The following KRI1 variants were observed in gnomAD, a reference collection of about 807,000 sequenced individuals.
The protein encoded by KRI1 is protein KRI1 homolog.
KRI1 carries 83 observed loss-of-function variants against 97.0 expected under a neutral mutation model. The observed-to-expected ratio is 0.86, with a 90% CI of 0.72 to 1.03. KRI1 has a LOEUF of 1.03. Among genes scored for constraint, KRI1 ranks in the 50% least tolerant of loss-of-function variants. The pLI is 0.00. For synonymous variants in KRI1, 371 were observed against 363.5 expected (o/e 1.02, Z -0.23); for missense variants, 916 against 928.4 (o/e 0.99, Z 0.17).
chr19:10,564,249 T>C (rs960229608), intron 3 of KRI1, among the ~76,000 whole-genome samples: 1 of 150,458 alleles, frequency 6.6e-6, no homozygotes, highest in South Asian at 2.1e-4. Flanking sequence ...TCACCTGAAG[T>C]TGGGAGTTCG....
intron 3 of KRI1, among the ~76,000 whole-genome samples, chr19:10,563,593 C>T (rs144999729): frequency 0.015 from 2,247 of 151,760 alleles, 49 homozygotes; most frequent in African/African-American, 0.051. Flanking sequence ...GTGATCCTCC[C>T]GCCTCAACCT....
chr19:10,556,924 G>T (rs1042129307), intron 16 of KRI1, among the ~76,000 whole-genome samples: 1 of 151,822 alleles, frequency 6.6e-6, no homozygotes, highest in Admixed American at 6.6e-5. Context: ...GATCAATTGA[G>T]CCCAGGAGGT....
chr19:10,562,895 G>A (rs887258341), intron 3 of KRI1, 58 bp from the exon 4 acceptor site: 6 of 1,090,884 alleles, frequency 5.5e-6, no homozygotes, highest in African/African-American at 1.5e-5. Flanking sequence ...TGCCGTGGCA[G>A]AGAATCCCAC....
Position 10,557,887 on chromosome 19 carries a change from G to A in KRI1, c.1368C>T (p.Ala456=), listed in dbSNP as rs372896560. The A allele has an allele frequency of 6.8e-6, 11 of 1,613,266 alleles. No individual in the cohort carries two copies. Among genetic ancestry groups the A allele is most frequent in the Admixed American group, 5.0e-5 (3 of 59,968 alleles). ...TCCTCGGCTGGCTGGGGTCGTAGTC[G>A]GCGTCCATCTGCCAGGACGCACAGG... ...HCEDPNFNMD[A]DYDPSQPRKK... is the part of the protein sequence containing the mutation. The change falls in exon 15 of 19, where the codon GCC becomes GCT. Residue 456 remains alanine (A), a synonymous_variant. Coordinates refer to ENST00000312962, the MANE Select transcript of KRI1 (RefSeq NM_023008.5).
Position 10,562,777 on chromosome 19 carries a change from G to A in KRI1, c.335C>T (p.Pro112Leu), listed in dbSNP as rs778753431. The change falls in exon 4 of 19, where the codon CCC becomes CTC. Residue 112 changes from proline to leucine, a missense_variant. Pro to Leu is a moderately conservative substitution (Grantham distance 98). Transcript: ENST00000312962. ...EALEKQKKVR[P>L]MYLKDYERKV... ...CCTCTCGTAGTCCTTCAGGTACATGGGCCGCACTTTCTTCTGCTTCTCCAA... is the reference window on the plus strand; with the variant it reads ...CCTCTCGTAGTCCTTCAGGTACATGAGCCGCACTTTCTTCTGCTTCTCCAA... The A allele has an allele frequency of 6.2e-7, 1 of 1,613,140 alleles. No individual in the cohort carries two copies. Among genetic ancestry groups the A allele is most frequent in the Non-Finnish European group, 8.5e-7 (1 of 1,179,160 alleles).
At position 10,555,396 on chromosome 19, in the gene KRI1, G is replaced by A. The variant is rs373622301; in HGVS notation, c.1618-47C>T. 3.0e-4 allele frequency: 475 copies of A among 1,599,494 alleles called. 1 individual carries two copies. The African/African-American group carries it at 5.5e-3, about 19-fold the overall frequency. ...GGACCTGCTGTGATATTGCCCAGGC[G>A]GGGCCTTCCCTGAGCCTAAGTCATG... On this transcript the variant is annotated intron_variant, in intron 16 of 18. Coordinates refer to ENST00000312962, the MANE Select transcript of KRI1 (RefSeq NM_023008.5).
chr19:10,562,893 C>T, intron 3 of KRI1, 56 bp from the exon 4 acceptor site: 1 of 1,094,658 alleles, frequency 9.1e-7, no homozygotes, highest in South Asian at 1.2e-5. Context: ...TTTGCCGTGG[C>T]AGAGAATCCC....
At chr19:10,565,816 C>CCA (rs779949183) in intron 1 of KRI1, 26 bp from the exon 2 acceptor site, 26 of 1,550,288 alleles carry the variant, frequency 1.7e-5, no homozygotes, top group South Asian at 7.1e-5. Context: ...GGGATGCCCC[C>CCA]CCCCAGGTCA....
rs1039586502 is a variant in KRI1 at position 10,558,246 on chromosome 19, G to C, written c.1195-7C>G. ...ACTCGTCCCCAAAGCACTTCTGCAG[G>C]GTCAGGGCTGGCGGTTACCAGAGCC... On this transcript the variant is annotated splice_polypyrimidine_tract_variant and splice_region_variant and intron_variant, in intron 12 of 18. Coordinates refer to ENST00000312962, the MANE Select transcript of KRI1 (RefSeq NM_023008.5). The C allele has an allele frequency of 3.7e-6, 6 of 1,613,934 alleles. No homozygotes were observed. Among genetic ancestry groups the C allele is most frequent in the Non-Finnish European group, 5.1e-6 (6 of 1,179,900 alleles).
rs373283507 is a variant in KRI1 at position 10,559,823 on chromosome 19, G to A, written c.914C>T (p.Pro305Leu). The stretch of plus-strand genomic sequence containing the variant: ...CCAGCCACACACCGATGCTGAGTCC[G>A]GCTCCTCGAAACGGAAATTGTACTT... ...EQKYNFRFEE[P>L]DSASVKTYPR... The change falls in exon 10 of 19, where the codon CCG becomes CTG. Residue 305 changes from proline to leucine, a missense_variant. Coordinates refer to ENST00000312962, the MANE Select transcript of KRI1 (RefSeq NM_023008.5). The A allele has an allele frequency of 3.4e-5, 55 of 1,613,684 alleles. No homozygotes were observed. Among genetic ancestry groups the A allele is most frequent in the Non-Finnish European group, 3.8e-5 (45 of 1,179,998 alleles).
intron 4 of KRI1, 75 bp downstream of exon 4, chr19:10,562,654 T>C: frequency 1.2e-6 from 1 of 860,166 alleles, no homozygotes; most frequent in Admixed American, 2.0e-5. Context: ...CTTTTTTCCC[T>C]CTCCTGCCCC....
Position 10,565,748 on chromosome 19 carries a change from C to T in KRI1, c.137G>A (p.Ser46Asn), listed in dbSNP as rs1475630748. ...YGDRDSSSDS[S>N]SESDSSDERV... is the part of the protein sequence containing the mutation. ...CTCGTCGCTTGAGTCCGACTCGGAG[C>T]TGGAGTCGCTGCTGCTGTCTCGGTC... Residue 46 changes from serine (S) to asparagine (N), a missense_variant, in exon 2 of 19, where the codon AGC becomes AAC. Transcript: ENST00000312962. 6.3e-7 allele frequency: 1 copy of T among 1,580,390 alleles called. No homozygotes were observed. Among genetic ancestry groups the T allele is most frequent in the Non-Finnish European group, 8.6e-7 (1 of 1,164,342 alleles).
At chr19:10,565,515 C>A in intron 2 of KRI1, 1 of 626,982 alleles carries the variant, frequency 1.6e-6, no homozygotes, top group Non-Finnish European at 2.6e-6. Flanking sequence ...GGGATCGTGG[C>A]AGGGGAGAGA....
At chr19:10,564,662 C>T (rs1476182776) in intron 3 of KRI1, among the ~76,000 whole-genome samples, 1 of 152,166 alleles carries the variant, frequency 6.6e-6, no homozygotes, top group Non-Finnish European at 1.5e-5. Flanking sequence ...ATTAACTCCA[C>T]CACCAGGTAA....
chr19:10,561,122 AC>A, intron 7 of KRI1, 42 bp from the exon 8 acceptor site: 2 of 1,611,256 alleles, frequency 1.2e-6, no homozygotes, highest in Non-Finnish European at 1.7e-6. Flanking sequence ...ATGCCCAGCC[AC>A]CCGCCACCCT....
chr19:10,555,157 G>A lies in KRI1; in HGVS notation c.1711C>T (p.Arg571Trp), dbSNP rs757118490. Residue 571 changes from arginine (R) to tryptophan (W), a missense_variant, in exon 18 of 19, where the codon CGG becomes TGG. Physicochemically the swap from Arg to Trp is moderately radical, Grantham distance 101. This residue lies in a region of KRI1 where 672 missense variants were observed against 667.2 expected (regional missense o/e 1.01). Transcript: ENST00000312962. Reference sequence around the variant, plus strand: ...TTCTGGGCCTTCTGGCTGTACGCCCGCTTGTCCCGCAGCTCCTCCTGCTCT... The same window carrying A: ...TTCTGGGCCTTCTGGCTGTACGCCCACTTGTCCCGCAGCTCCTCCTGCTCT... ...RSEQEELRDK[R>W]AYSQKAQNSW... The A allele has an allele frequency of 7.4e-6, 12 of 1,614,058 alleles. No individual in the cohort carries two copies. The East Asian group carries it at 1.3e-4, about 18-fold the overall frequency.
rs1278766813 is a variant in KRI1 at position 10,561,702 on chromosome 19, T to C, written c.453A>G (p.Gln151=). Residue 151 remains glutamine (Q), a synonymous_variant, in exon 6 of 19, where the codon CAA becomes CAG. Coordinates refer to ENST00000312962, the MANE Select transcript of KRI1 (RefSeq NM_023008.5). ...SNHRLQETSS[Q]SYVEEQKQLK... is the part of the protein sequence containing the mutation. Reference sequence around the variant, plus strand: ...GCTGTTTCTGTTCCTCCACATAACTTTGCGACGATGTCTCCTGCAGAGAGG... The same window carrying C: ...GCTGTTTCTGTTCCTCCACATAACTCTGCGACGATGTCTCCTGCAGAGAGG... The C allele has an allele frequency of 1.9e-6, 3 of 1,613,914 alleles. No individual in the cohort carries two copies. The Admixed American group carries it at 5.0e-5, about 27-fold the overall frequency.
Position 10,565,714 on chromosome 19 carries a change from C to T in KRI1, c.168+3G>A, listed in dbSNP as rs1303126951. 6.4e-7 allele frequency: 1 copy of T among 1,564,176 alleles called. No homozygotes were observed. The highest frequency in any genetic ancestry group is 1.9e-5 in the Admixed American group (1 of 53,966). On this transcript the variant is annotated splice_donor_region_variant and intron_variant, in intron 2 of 18. Transcript: ENST00000312962. ...ACGTCCAGGACGGGGCGGGGACGCG[C>T]ACCACGCGCTCGTCGCTTGAGTCCG...
At position 10,565,942 on chromosome 19, in the gene KRI1, ACCGCGCGGCAAACGCCGCGTTCAC is replaced by A; in HGVS notation, c.34_57del (p.Val12_Arg19del). On this transcript the variant is annotated inframe_deletion, in exon 1 of 19. Coordinates refer to ENST00000312962, the MANE Select transcript of KRI1 (RefSeq NM_023008.5). ...TCCTCGCGCTCCCGGTAGCGGTTGT[ACCGCGCGGCAAACGCCGCGTTCAC>A]CCGCAGCTGCGACGACCCGCGCGGT... The A allele has an allele frequency of 6.5e-7, 1 of 1,531,382 alleles. No homozygotes were observed. Among genetic ancestry groups the A allele is most frequent in the Non-Finnish European group, 8.8e-7 (1 of 1,140,876 alleles). 94.9% of individuals were successfully genotyped at this position (1,531,382 alleles called of 1,614,324 possible).
Sources: allele counts gnomAD v4.1 joint callset (sites outside exome capture counted in the v4.1 genomes callset), GRCh38; gene constraint gnomAD v4.1.1; regional missense constraint gnomAD v4.1.1; transcripts MANE v1.5; gene names NCBI Gene and HGNC (gene_info 2026-07-23, HGNC 2026-07-21).